Variants in NKAIN2 observed in about 807,000 individuals in gnomAD.
NKAIN2 encodes the protein sodium/potassium transporting ATPase interacting 2.
In NKAIN2, 14 loss-of-function variants were observed where a neutral mutation model predicts 32.6. The observed-to-expected ratio is 0.43, with a 90% CI of 0.28 to 0.67. NKAIN2 has a LOEUF of 0.67. Ranked by LOEUF, NKAIN2 falls within the 30% of genes least tolerant of loss-of-function variation. The pLI, the probability that NKAIN2 is intolerant of heterozygous loss-of-function variation, is 0.17. For synonymous variants in NKAIN2, 80 were observed against 87.2 expected, an observed-to-expected ratio of 0.92 and a Z score of 0.46; for missense variants, 198 against 258.3, an observed-to-expected ratio of 0.77 and a Z score of 1.60.
intron 1 of NKAIN2, among the ~76,000 whole-genome samples, chr6:124,262,821 A>G (rs1258265722): frequency 6.6e-6 from 1 of 152,146 alleles, no homozygotes; most frequent in Non-Finnish European, 1.5e-5. Flanking sequence ...GGGACCTCAC[A>G]TTGTGTATTG....
At chr6:123,936,386 A>G (rs894267916) in intron 1 of NKAIN2, among the ~76,000 whole-genome samples, 1 of 152,170 alleles carries the variant, frequency 6.6e-6, no homozygotes, top group Non-Finnish European at 1.5e-5. Context: ...TTGCTTTTAT[A>G]TATTGAGATG....
chr6:123,916,593 A>G (rs1775507527), intron 1 of NKAIN2, among the ~76,000 whole-genome samples: 1 of 152,112 alleles, frequency 6.6e-6, no homozygotes, highest in Non-Finnish European at 1.5e-5. Context: ...ACATGAATGT[A>G]AGATGCAGAA....
intron 3 of NKAIN2, among the ~76,000 whole-genome samples, chr6:124,384,608 T>G (rs912262604): frequency 3.3e-5 from 5 of 149,730 alleles, no homozygotes; most frequent in Non-Finnish European, 7.5e-5. Flanking sequence ...CTTACAATAG[T>G]TTGACTCTCT....
At chr6:124,463,788 T>C (rs1349707306) in intron 3 of NKAIN2, among the ~76,000 whole-genome samples, 1 of 152,166 alleles carries the variant, frequency 6.6e-6, no homozygotes, top group East Asian at 1.9e-4. Flanking sequence ...TTTGTGTTTT[T>C]ATTGCGATTT....
At chr6:124,368,878 T>A (rs1328090482) in intron 3 of NKAIN2, among the ~76,000 whole-genome samples, 1 of 152,158 alleles carries the variant, frequency 6.6e-6, no homozygotes, top group Non-Finnish European at 1.5e-5. Context: ...TTTTATTCTC[T>A]CATAGATCAA....
intron 1 of NKAIN2, among the ~76,000 whole-genome samples, chr6:124,004,250 T>C (rs1190701768): frequency 6.6e-6 from 1 of 152,080 alleles, no homozygotes; most frequent in Non-Finnish European, 1.5e-5. Flanking sequence ...TACGGTTCAT[T>C]TGGATTAAGA....
intron 1 of NKAIN2, among the ~76,000 whole-genome samples, chr6:123,900,353 G>A (rs1774502425): frequency 6.6e-6 from 1 of 151,578 alleles, no homozygotes; most frequent in African/African-American, 2.4e-5. Context: ...CGTGCCTGTA[G>A]TCCCAGCTAC....
chr6:124,578,654 T>C (rs1355691199), intron 3 of NKAIN2, among the ~76,000 whole-genome samples: 1 of 151,998 alleles, frequency 6.6e-6, no homozygotes, highest in African/African-American at 2.4e-5. Flanking sequence ...CTCATCACCC[T>C]GAAGGGAAGA....
At chr6:124,597,736 T>C (rs1005431401) in intron 3 of NKAIN2, among the ~76,000 whole-genome samples, 1 of 152,152 alleles carries the variant, frequency 6.6e-6, no homozygotes, top group African/African-American at 2.4e-5. Flanking sequence ...AATTATAGAA[T>C]TCAACTTCTG....
chr6:124,112,014 A>G (rs540209527), intron 1 of NKAIN2, among the ~76,000 whole-genome samples: 2 of 152,182 alleles, frequency 1.3e-5, no homozygotes, highest in Admixed American at 1.3e-4. Flanking sequence ...TTATCTTTTA[A>G]TAATTGTGTT....
intron 1 of NKAIN2, among the ~76,000 whole-genome samples, chr6:123,997,597 C>CTTTTT (rs545393601): frequency 6.1e-5 from 6 of 98,252 alleles, no homozygotes; most frequent in Admixed American, 1.2e-4. Context: ...GGAGTTTATT[C>CTTTTT]TTTTTTTTTT....
In NKAIN2 at chr6:124,197,828, C is replaced by G. The variant is rs1790388197; in HGVS notation, c.55-85177C>G. On this transcript the variant is annotated intron_variant, in intron 1 of 6. Transcript: ENST00000368417. The stretch of plus-strand genomic sequence containing the variant: ...GATTTTTCCTTTTTCAGAGTATAAC[C>G]TGTGTCTGGTTTTTTTTTTTTTTTT... Among the ~76,000 whole-genome samples, 4 of 142,156 alleles carry G rather than the reference C, an allele frequency of 2.8e-5. No individual in the cohort carries two copies. The Admixed American group carries it at 3.0e-4, about 11-fold the overall frequency. 93.3% of individuals were successfully genotyped at this position (142,156 alleles called of 152,430 possible).
At chr6:123,993,080 A>T (rs1582897095) in intron 1 of NKAIN2, among the ~76,000 whole-genome samples, 2 of 152,304 alleles carry the variant, frequency 1.3e-5, no homozygotes, top group Admixed American at 1.3e-4. Context: ...GATTAAATAG[A>T]CTAAACTATA....
chr6:124,105,485 TCAA>T (rs1199542158), intron 1 of NKAIN2, among the ~76,000 whole-genome samples: 7 of 152,124 alleles, frequency 4.6e-5, no homozygotes, highest in Non-Finnish European at 8.8e-5. Flanking sequence ...GAGAGAATGA[TCAA>T]CAAGACTGTA....
chr6:124,244,885 C>T (rs1793310364), intron 1 of NKAIN2, among the ~76,000 whole-genome samples: 2 of 151,922 alleles, frequency 1.3e-5, no homozygotes, highest in African/African-American at 2.4e-5. Context: ...AGATAATTTC[C>T]ATTAGTTTCT....
intron 3 of NKAIN2, among the ~76,000 whole-genome samples, chr6:124,628,405 A>ATGAT (rs1783438627): frequency 6.6e-6 from 1 of 152,098 alleles, no homozygotes; most frequent in Non-Finnish European, 1.5e-5. Context: ...ATCCCCCACA[A>ATGAT]TGATTGTCTT....
intron 3 of NKAIN2, among the ~76,000 whole-genome samples, chr6:124,529,648 A>G (rs531987664): frequency 6.6e-5 from 10 of 152,292 alleles, no homozygotes; most frequent in African/African-American, 1.9e-4. Context: ...CCCGAGGCTT[A>G]GGAGAAGGTG....
chr6:124,705,405 GA>G (rs1234067512), intron 4 of NKAIN2, among the ~76,000 whole-genome samples: 1 of 151,470 alleles, frequency 6.6e-6, no homozygotes, highest in African/African-American at 2.4e-5. Context: ...AGAAAATGCA[GA>G]AATTCCCAGC....
At chr6:124,166,443 A>C (rs1296226977) in intron 1 of NKAIN2, among the ~76,000 whole-genome samples, 1 of 151,552 alleles carries the variant, frequency 6.6e-6, no homozygotes, top group African/African-American at 2.4e-5. Context: ...GTAGGTTGCA[A>C]AAATTTTCTC....
Sources: allele counts gnomAD v4.1 joint callset (sites outside exome capture counted in the v4.1 genomes callset), GRCh38; gene constraint gnomAD v4.1.1; transcripts MANE v1.5; gene names NCBI Gene and HGNC (gene_info 2026-07-23, HGNC 2026-07-21).